Variants in RIGI observed in about 807,000 individuals in gnomAD.
RIGI encodes antiviral innate immune response receptor RIG-I.
At chr9:32,515,836 TCCA>T in the RIGI span, among the ~76,000 whole-genome samples, 10 of 152,342 alleles carry the variant, frequency 6.6e-5, no homozygotes, top group Admixed American at 5.2e-4. Flanking sequence ...AGCCATGTTA[TCCA>T]CCACATCATT....
chr9:32,500,753 TC>T, the RIGI span: 6 of 1,584,292 alleles, frequency 3.8e-6, no homozygotes, highest in Non-Finnish European at 5.1e-6. Context: ...TACAGTATTG[TC>T]AAGCAGCAAA....
chr9:32,461,350 TGAAG>T, the RIGI span, among the ~76,000 whole-genome samples: 1 of 152,220 alleles, frequency 6.6e-6, no homozygotes, highest in East Asian at 1.9e-4. Flanking sequence ...TGAAGCCTCA[TGAAG>T]GAAGAAAGAA....
chr9:32,503,907 T>C, the RIGI span, among the ~76,000 whole-genome samples: 1 of 151,964 alleles, frequency 6.6e-6, no homozygotes, highest in African/African-American at 2.4e-5. Context: ...CCAGGCGCGG[T>C]GGCTGGTGCC....
the RIGI span, among the ~76,000 whole-genome samples, chr9:32,521,467 TG>T: frequency 6.6e-6 from 1 of 152,176 alleles, no homozygotes; most frequent in Non-Finnish European, 1.5e-5. Flanking sequence ...TTTGGCTAAA[TG>T]AATAACTATT....
At chr9:32,512,700 C>G in the RIGI span, among the ~76,000 whole-genome samples, 7 of 152,078 alleles carry the variant, frequency 4.6e-5, no homozygotes, top group East Asian at 1.9e-4. Flanking sequence ...ATTCAACATA[C>G]TGTTGGAAGT....
the RIGI span, among the ~76,000 whole-genome samples, chr9:32,490,663 A>G: frequency 6.6e-6 from 1 of 152,182 alleles, no homozygotes; most frequent in African/African-American, 2.4e-5. Flanking sequence ...TTATTATGGC[A>G]TATTATGCAA....
chr9:32,494,393 A>C, the RIGI span, among the ~76,000 whole-genome samples: 2 of 152,196 alleles, frequency 1.3e-5, no homozygotes, highest in Middle Eastern at 3.2e-3. Flanking sequence ...GATAATATTA[A>C]GTAAATGGGA....
the RIGI span, among the ~76,000 whole-genome samples, chr9:32,490,219 A>T: frequency 0.02 from 2,993 of 152,286 alleles, 105 homozygotes; most frequent in African/African-American, 0.067. Context: ...TCCAAAAAAA[A>T]TACAAAAATT....
chr9:32,487,249 A>AG, the RIGI span, among the ~76,000 whole-genome samples: 5 of 152,230 alleles, frequency 3.3e-5, no homozygotes, highest in African/African-American at 1.2e-4. Flanking sequence ...GCAAAGAGGA[A>AG]GAATGTTTGC....
chr9:32,495,921 T>A, the RIGI span, among the ~76,000 whole-genome samples: 3 of 152,366 alleles, frequency 2.0e-5, no homozygotes, highest in South Asian at 4.1e-4. Flanking sequence ...CCTCCCAAAG[T>A]GCTGGGATTG....
the RIGI span, chr9:32,457,051 T>A: frequency 3.8e-5 from 45 of 1,187,254 alleles, no homozygotes; most frequent in Admixed American, 8.7e-4. Flanking sequence ...TCCATGATTA[T>A]ACCCACTATG....
the RIGI span, among the ~76,000 whole-genome samples, chr9:32,471,750 G>A: frequency 6.6e-6 from 1 of 152,148 alleles, no homozygotes; most frequent in Non-Finnish European, 1.5e-5. Context: ...TACTTGTGGA[G>A]GAACAACAAA....
At chr9:32,465,095 G>A in the RIGI span, among the ~76,000 whole-genome samples, 6 of 152,114 alleles carry the variant, frequency 3.9e-5, no homozygotes, top group African/African-American at 1.4e-4. Context: ...GTTTTAAAAC[G>A]TGTATTGGCA....
At chr9:32,466,118 A>G in the RIGI span, among the ~76,000 whole-genome samples, 1 of 152,254 alleles carries the variant, frequency 6.6e-6, no homozygotes, top group African/African-American at 2.4e-5. Flanking sequence ...ACTATTAAAT[A>G]TAATTTAACC....
chr9:32,518,302 A>T, the RIGI span, among the ~76,000 whole-genome samples: 7 of 151,992 alleles, frequency 4.6e-5, no homozygotes, highest in African/African-American at 1.7e-4. Context: ...ATTTTTGGTA[A>T]GGAAGGTTAT....
the RIGI span, among the ~76,000 whole-genome samples, chr9:32,493,500 T>A: frequency 7.5e-6 from 1 of 133,098 alleles, no homozygotes; most frequent in East Asian, 2.0e-4. Flanking sequence ...AGCACGCACC[T>A]GTAATCCCAG....
the RIGI span, chr9:32,525,974 T>G: frequency 1.3e-5 from 14 of 1,048,894 alleles, no homozygotes; most frequent in African/African-American, 1.9e-4. Context: ...GCAGGCTCTC[T>G]GCATTGATTA....
chr9:32,500,335 C>G, the RIGI span, among the ~76,000 whole-genome samples: 1 of 152,158 alleles, frequency 6.6e-6, no homozygotes, highest in South Asian at 2.1e-4. Flanking sequence ...TTTTTATGAT[C>G]TCAAGCCTCC....
chr9:32,494,839 G>A, the RIGI span, among the ~76,000 whole-genome samples: 1 of 152,096 alleles, frequency 6.6e-6, no homozygotes. Context: ...CCATTTTGCA[G>A]GATGTGCCAG....
Sources: gnomAD v4.1 joint callset for allele counts (sites outside exome capture counted in the v4.1 genomes callset) on GRCh38, gnomAD v4.1.1 for gene constraint, MANE v1.5 for transcripts, NCBI Gene and HGNC (gene_info 2026-07-23, HGNC 2026-07-21) for gene names.